Variants in CHD2 observed in about 807,000 individuals in gnomAD.
CHD2 encodes the protein ATP-dependent chromatin remodeler CHD2.
CHD2 carries 28 observed loss-of-function variants against 243.9 expected under a neutral mutation model. That is an observed-to-expected ratio of 0.11 (90% CI 0.09 to 0.16). CHD2 has a LOEUF of 0.16. Among genes scored for constraint, CHD2 ranks in the 10% least tolerant of loss-of-function variants. The pLI is 1.00. For missense variants in CHD2, 1,386 were observed against 2,209.8 expected, an observed-to-expected ratio of 0.63 and a Z score of 7.47; for synonymous variants, 775 against 779.0, an observed-to-expected ratio of 0.99 and a Z score of 0.09.
At chr15:92,916,961 C>T (rs1303511692) in intron 2 of CHD2, among the ~76,000 whole-genome samples, 1 of 152,096 alleles carries the variant, frequency 6.6e-6, no homozygotes, top group East Asian at 1.9e-4. Context: ...ATAATGTTTC[C>T]CAAGTTAACA....
At chr15:92,964,511 T>G (rs566525860) in intron 16 of CHD2, among the ~76,000 whole-genome samples, 3 of 152,344 alleles carry the variant, frequency 2.0e-5, no homozygotes, top group African/African-American at 7.2e-5. Flanking sequence ...GAATTAGGTT[T>G]AGTCAAATAG....
At chr15:92,938,333 A>T (rs1214208396) in intron 6 of CHD2, among the ~76,000 whole-genome samples, 1 of 152,268 alleles carries the variant, frequency 6.6e-6, no homozygotes, top group Non-Finnish European at 1.5e-5. Flanking sequence ...TAGTAGATAT[A>T]TATTGCAGTA....
chr15:92,943,657 A>G (rs1186437925), intron 9 of CHD2: 1 of 156,698 alleles, frequency 6.4e-6, no homozygotes, highest in Non-Finnish European at 1.4e-5. Context: ...TGGGTGTTGT[A>G]TATGGGAAAT....
intron 14 of CHD2, chr15:92,953,903 A>G (rs2053584638): frequency 5.1e-6 from 1 of 194,836 alleles, no homozygotes; most frequent in Admixed American, 5.6e-5. Flanking sequence ...TGTAATATTA[A>G]TATTATTTTT....
At position 92,992,849 on chromosome 15, in the gene CHD2, T is replaced by C; in HGVS notation, c.3456-10T>C. ...GGTCCTAAAGTGTCCCCATATTTGT[T>C]CCTCCTCAGGCTGGAGTGCATAGCA... is the stretch of plus-strand genomic sequence containing the variant. On this transcript the variant is annotated splice_polypyrimidine_tract_variant and intron_variant, in intron 27 of 38. Transcript: ENST00000394196. 1 of 1,612,188 alleles carries C rather than the reference T, an allele frequency of 6.2e-7. No individual in the cohort carries two copies. Among genetic ancestry groups the C allele is most frequent in the Non-Finnish European group, 8.5e-7 (1 of 1,179,964 alleles).
rs958239915 is a variant in CHD2, at chr15:92,955,588, G to A, written c.1809+76G>A. Reference sequence around the variant, plus strand: ...AGATGGTAGGGTCTGTTACTGTTCTGTGGAGCATGTTAGAAATAAATACTT... The same window carrying A: ...AGATGGTAGGGTCTGTTACTGTTCTATGGAGCATGTTAGAAATAAATACTT... On this transcript the variant is annotated intron_variant, in intron 15 of 38. Transcript: ENST00000394196. 39 of 855,008 alleles carry A rather than the reference G, an allele frequency of 4.6e-5. No individual in the cohort carries two copies. In the Middle Eastern group the frequency reaches 3.1e-3, roughly 68 times the overall value. 53.0% of individuals were successfully genotyped at this position (855,008 alleles called of 1,614,324 possible).
intron 17 of CHD2, among the ~76,000 whole-genome samples, chr15:92,968,285 G>A (rs185837170): frequency 5.9e-5 from 9 of 152,282 alleles, no homozygotes; most frequent in African/African-American, 1.9e-4. Flanking sequence ...ACTTTGGGAG[G>A]CTGAGGCAGG....
chr15:92,926,702 G>T (rs67190144), intron 3 of CHD2, among the ~76,000 whole-genome samples: 25,679 of 152,168 alleles, frequency 0.17, 2,929 homozygotes, highest in Non-Finnish European at 0.25. Context: ...AGAAAGGGTG[G>T]CAGTGGTTCT....
At chr15:92,930,593 T>C (rs1207935500) in intron 5 of CHD2, among the ~76,000 whole-genome samples, 1 of 152,098 alleles carries the variant, frequency 6.6e-6, no homozygotes, top group African/African-American at 2.4e-5. Flanking sequence ...CATGCCCAGC[T>C]AAGTTTTTAA....
At position 92,946,072 on chromosome 15, in the gene CHD2, C is replaced by T. The variant is rs202188833; in HGVS notation, c.1233C>T (p.Pro411=). ...GGAAGCCGGCACCCTCAAATGAGCCCGAATATCTATGTAAATGGATGGGAC... is the reference window on the plus strand; with the variant it reads ...GGAAGCCGGCACCCTCAAATGAGCCTGAATATCTATGTAAATGGATGGGAC... ...HSRKPAPSNE[P]EYLCKWMGLP... is the part of the protein sequence containing the mutation. Residue 411 remains proline (P), a synonymous_variant, in exon 12 of 39, where the codon CCC becomes CCT. Coordinates refer to ENST00000394196, the MANE Select transcript of CHD2 (RefSeq NM_001271.4). The T allele has an allele frequency of 7.7e-5, 124 of 1,602,114 alleles. 1 individual carries two copies. The highest frequency in any genetic ancestry group is 3.8e-4 in the South Asian group (34 of 89,118).
At chr15:92,992,709 T>G in intron 27 of CHD2, 150 bp from the exon 28 acceptor site, 2 of 804,468 alleles carry the variant, frequency 2.5e-6, no homozygotes, top group Admixed American at 2.9e-5. Flanking sequence ...TGTCCAGGGG[T>G]TCTTGTTGGA....
At chr15:92,902,197 C>T in intron 2 of CHD2, 1 of 397,912 alleles carries the variant, frequency 2.5e-6, no homozygotes, top group East Asian at 3.6e-5. Flanking sequence ...GCTTTATCTT[C>T]TGAAGCTTAA....
intron 11 of CHD2, 50 bp downstream of exon 11, chr15:92,945,915 GTA>G: frequency 1.3e-6 from 2 of 1,491,664 alleles, no homozygotes; most frequent in South Asian, 2.5e-5. Context: ...TCAGAACAGT[GTA>G]TGTTTTGCAG....
At chr15:92,971,017 C>T (rs901513326) in intron 17 of CHD2, among the ~76,000 whole-genome samples, 1 of 152,142 alleles carries the variant, frequency 6.6e-6, no homozygotes, top group African/African-American at 2.4e-5. Context: ...AGATAAAATA[C>T]TCTTTTACAA....
At chr15:92,991,127 G>T (rs1418221715) in intron 26 of CHD2, among the ~76,000 whole-genome samples, 1 of 151,896 alleles carries the variant, frequency 6.6e-6, no homozygotes, top group Non-Finnish European at 1.5e-5. Context: ...CAATAGAGTC[G>T]TGATGATTGA....
At chr15:92,965,873 G>A (rs970120951) in intron 16 of CHD2, among the ~76,000 whole-genome samples, 8 of 152,026 alleles carry the variant, frequency 5.3e-5, no homozygotes, top group Non-Finnish European at 1.0e-4. Context: ...TTTTAGATTA[G>A]TAAAGTTTTA....
chr15:92,986,382 A>T (rs562727871), intron 26 of CHD2, among the ~76,000 whole-genome samples: 5 of 152,248 alleles, frequency 3.3e-5, no homozygotes, highest in Admixed American at 1.3e-4. Context: ...TATATTAAAT[A>T]GTCCTTTAAG....
At chr15:92,931,159 A>T (rs895028234) in intron 5 of CHD2, among the ~76,000 whole-genome samples, 1 of 152,208 alleles carries the variant, frequency 6.6e-6, no homozygotes, top group Non-Finnish European at 1.5e-5. Flanking sequence ...TCACTCAGAG[A>T]GTGAAAGGTT....
chr15:92,954,994 A>G (rs892181985), intron 14 of CHD2, among the ~76,000 whole-genome samples: 1 of 152,178 alleles, frequency 6.6e-6, no homozygotes, highest in Non-Finnish European at 1.5e-5. Flanking sequence ...TCTTTGGTCT[A>G]TGGTTGATGA....
Sources: gnomAD v4.1 joint callset for allele counts (sites outside exome capture counted in the v4.1 genomes callset) on GRCh38, gnomAD v4.1.1 for gene constraint, MANE v1.5 for transcripts, NCBI Gene and HGNC (gene_info 2026-07-23, HGNC 2026-07-21) for gene names.